The following EPHA6 variants were observed in gnomAD, a reference collection of about 807,000 sequenced individuals.
EPHA6 encodes the protein EPH receptor A6, also known as ephrin type-A receptor 6.
EPHA6 carries 50 observed loss-of-function variants against 112.0 expected under a neutral mutation model. The observed-to-expected ratio is 0.45, with a 90% CI of 0.36 to 0.56. EPHA6 has a LOEUF of 0.56. Among genes scored for constraint, EPHA6 ranks in the 20% least tolerant of loss-of-function variants. EPHA6 has a pLI of 0.00. For synonymous variants in EPHA6, 529 were observed against 490.7 expected, an observed-to-expected ratio of 1.08 and a Z score of -1.03; for missense variants, 1,280 against 1,417.4, an observed-to-expected ratio of 0.90 and a Z score of 1.56.
chr3:96,950,758 T>C (rs1202173063), intron 2 of EPHA6, among the ~76,000 whole-genome samples: 2 of 152,280 alleles, frequency 1.3e-5, no homozygotes, highest in East Asian at 1.9e-4. Flanking sequence ...TTACTGTTTG[T>C]ATTTATATTG....
chr3:97,224,750 TA>T (rs2078303428), intron 3 of EPHA6, among the ~76,000 whole-genome samples: 1 of 152,262 alleles, frequency 6.6e-6, no homozygotes, highest in Non-Finnish European at 1.5e-5. Context: ...ATGTTTTAAA[TA>T]TTACTTTATC....
Position 97,484,140 on chromosome 3 carries a change from T to G in EPHA6, c.2200+81T>G, listed in dbSNP as rs1273348625. ...GTTTATCAACATACTATCTTAAATCTTGGCAGTTTTGGTCATTGAAAAGTT... is the reference window on the plus strand; with the variant it reads ...GTTTATCAACATACTATCTTAAATCGTGGCAGTTTTGGTCATTGAAAAGTT... On this transcript the variant is annotated intron_variant, in intron 10 of 17. Transcript: ENST00000389672. 2.2e-6 allele frequency: 3 copies of G among 1,333,488 alleles called. No homozygotes were observed. In the African/African-American group the frequency reaches 4.5e-5, roughly 20 times the overall value. 82.6% of individuals were successfully genotyped at this position (1,333,488 alleles called of 1,614,324 possible).
intron 15 of EPHA6, 36 bp from the exon 16 acceptor site, chr3:97,735,889 A>G: frequency 6.8e-7 from 1 of 1,472,792 alleles, no homozygotes; most frequent in Non-Finnish European, 9.1e-7. Context: ...TTACTGCCTA[A>G]AAATAAGAGA....
At chr3:97,736,555 A>C (rs184661468) in intron 16 of EPHA6, among the ~76,000 whole-genome samples, 1 of 148,006 alleles carries the variant, frequency 6.8e-6, no homozygotes, top group Admixed American at 6.8e-5. Context: ...CTGTTCCTGA[A>C]TTTGAAATGG....
In EPHA6 at chr3:97,306,043, TA is replaced by T. The variant is rs2081305672; in HGVS notation, c.1606+61757del. ...GGGAATATATGGACATACAATGATA[TA>T]TATGAGACTCAGAAAATAAAAAGGC... On this transcript the variant is annotated intron_variant, in intron 5 of 17. Transcript: ENST00000389672. 2.0e-5 allele frequency among the ~76,000 whole-genome samples: 3 copies of T among 151,886 alleles called. No individual in the cohort carries two copies. The South Asian group carries it at 6.2e-4, about 32-fold the overall frequency.
chr3:97,295,089 C>CT (rs1465968805), intron 5 of EPHA6, among the ~76,000 whole-genome samples: 1 of 152,076 alleles, frequency 6.6e-6, no homozygotes, highest in Non-Finnish European at 1.5e-5. Flanking sequence ...TTGGGGATCT[C>CT]TGAGTTTCTA....
chr3:97,683,112 T>G (rs1163406001), intron 14 of EPHA6, among the ~76,000 whole-genome samples: 1 of 152,168 alleles, frequency 6.6e-6, no homozygotes, highest in Non-Finnish European at 1.5e-5. Context: ...ACTTTGTTTC[T>G]CCTTTGAGAA....
Position 97,202,570 on chromosome 3 carries a change from G to A in EPHA6, c.1115-23694G>A, listed in dbSNP as rs575450847. Among the ~76,000 whole-genome samples the A allele has an allele frequency of 3.9e-5, 6 of 152,154 alleles. No individual in the cohort carries two copies. In the East Asian group the frequency reaches 1.2e-3, roughly 30 times the overall value. ...GCTTATCTTGAACTCCTGACCTCAA[G>A]TGATCCACCCACCTCAGCCTCCCAA... On this transcript the variant is annotated intron_variant, in intron 3 of 17. Transcript: ENST00000389672.
chr3:97,110,920 T>C (rs1026194087), intron 3 of EPHA6, among the ~76,000 whole-genome samples: 1 of 152,074 alleles, frequency 6.6e-6, no homozygotes, highest in Non-Finnish European at 1.5e-5. Context: ...GTTGTCAAAA[T>C]TTGCAGGAAG....
At chr3:97,617,564 C>T (rs1339699019) in intron 13 of EPHA6, among the ~76,000 whole-genome samples, 1 of 152,042 alleles carries the variant, frequency 6.6e-6, no homozygotes, top group African/African-American at 2.4e-5. Context: ...CACAGGTAGG[C>T]TCAAAATAAA....
At chr3:96,883,496 A>G (rs548048172) in intron 2 of EPHA6, among the ~76,000 whole-genome samples, 206 of 152,278 alleles carry the variant, frequency 1.4e-3, no homozygotes, top group Admixed American at 2.7e-3. Context: ...GCTTAAGCCA[A>G]TGTCTAGAAG....
At chr3:97,361,976 T>A (rs1404062280) in intron 5 of EPHA6, among the ~76,000 whole-genome samples, 1 of 152,216 alleles carries the variant, frequency 6.6e-6, no homozygotes, top group Non-Finnish European at 1.5e-5. Flanking sequence ...AACCTGTTTT[T>A]ATTCATTCAG....
chr3:97,639,038 TG>T (rs1362380192), intron 14 of EPHA6, among the ~76,000 whole-genome samples: 3 of 152,120 alleles, frequency 2.0e-5, no homozygotes, highest in African/African-American at 7.2e-5. Flanking sequence ...AGTTTAATAT[TG>T]TGAAAGGAAT....
intron 2 of EPHA6, among the ~76,000 whole-genome samples, chr3:96,984,815 G>C (rs937814793): frequency 8.5e-5 from 13 of 152,324 alleles, no homozygotes; most frequent in African/African-American, 3.1e-4. Flanking sequence ...TGCTAGCAAT[G>C]AGCAAGGCTC....
chr3:97,562,143 C>T (rs1334093955), intron 11 of EPHA6, among the ~76,000 whole-genome samples: 1 of 152,124 alleles, frequency 6.6e-6, no homozygotes, highest in African/African-American at 2.4e-5. Flanking sequence ...AGAAAACATC[C>T]ATTCTGCAGC....
intron 3 of EPHA6, among the ~76,000 whole-genome samples, chr3:97,003,603 A>G (rs2043756289): frequency 6.6e-6 from 1 of 152,190 alleles, no homozygotes; most frequent in South Asian, 2.1e-4. Flanking sequence ...ATGAAAATTT[A>G]TAACTGTAGT....
At chr3:96,944,719 A>T (rs1160878524) in intron 2 of EPHA6, among the ~76,000 whole-genome samples, 4 of 152,186 alleles carry the variant, frequency 2.6e-5, no homozygotes, top group African/African-American at 9.6e-5. Flanking sequence ...AAATGGTAAG[A>T]TCAAGAGATC....
At chr3:97,279,743 C>T (rs1009434969) in intron 5 of EPHA6, among the ~76,000 whole-genome samples, 5 of 152,184 alleles carry the variant, frequency 3.3e-5, no homozygotes, top group Admixed American at 1.3e-4. Context: ...GACATTTTCA[C>T]TTCCAAATTT....
intron 1 of EPHA6, among the ~76,000 whole-genome samples, chr3:96,860,548 T>G (rs1371622916): frequency 6.6e-6 from 1 of 151,984 alleles, no homozygotes; most frequent in Non-Finnish European, 1.5e-5. Context: ...ATAATATTCT[T>G]CAAAAAATTG....
Sources: allele counts gnomAD v4.1 joint callset (sites outside exome capture counted in the v4.1 genomes callset), GRCh38; gene constraint gnomAD v4.1.1; transcripts MANE v1.5; gene names NCBI Gene and HGNC (gene_info 2026-07-23, HGNC 2026-07-21).